Variants in ERC2 observed in about 807,000 individuals in gnomAD.
ERC2 encodes the protein ELKS/RAB6-interacting/CAST family member 2.
ERC2 carries 42 observed loss-of-function variants against 114.8 expected under a neutral mutation model. The observed-to-expected ratio is 0.37, with a 90% CI of 0.29 to 0.47. The LOEUF is 0.47. Among genes scored for constraint, ERC2 ranks in the 20% least tolerant of loss-of-function variants. The probability of loss-of-function intolerance (pLI) is 0.99; values close to 1 mark genes in which losing one functional copy is unlikely to be tolerated. For missense variants in ERC2, 939 were observed against 1,150.7 expected (o/e 0.82, Z 2.66); for synonymous variants, 454 against 425.5 (o/e 1.07, Z -0.82).
intron 6 of ERC2, among the ~76,000 whole-genome samples, chr3:56,108,549 T>C (rs1389011071): frequency 2.0e-5 from 3 of 152,078 alleles, no homozygotes; most frequent in Non-Finnish European, 4.4e-5. Context: ...TTACAAAAGA[T>C]AAATCACTTA....
intron 2 of ERC2, among the ~76,000 whole-genome samples, chr3:56,323,480 A>G (rs1377661448): frequency 1.3e-5 from 2 of 152,166 alleles, no homozygotes. Context: ...AGGCCCTGTC[A>G]AATCACCAGA....
intron 14 of ERC2, among the ~76,000 whole-genome samples, chr3:55,794,478 T>C (rs73831512): frequency 7.2e-4 from 110 of 152,342 alleles, no homozygotes; most frequent in African/African-American, 2.6e-3. Context: ...TGTGCACACA[T>C]GTGAAGACTT....
chr3:56,113,445 A>C (rs542220380), intron 6 of ERC2, among the ~76,000 whole-genome samples: 1 of 152,336 alleles, frequency 6.6e-6, no homozygotes, highest in Admixed American at 6.5e-5. Flanking sequence ...ACCTTCATAT[A>C]GCAGCCCTCT....
intron 2 of ERC2, among the ~76,000 whole-genome samples, chr3:56,319,406 T>C (rs2057022837): frequency 6.6e-6 from 1 of 151,940 alleles, no homozygotes. Flanking sequence ...AGAACAAACA[T>C]TACGTGATTC....
At position 55,759,575 on chromosome 3, in the gene ERC2, C is replaced by A. The variant is rs9865916; in HGVS notation, c.2565-24657G>T. On this transcript the variant is annotated intron_variant, in intron 14 of 17. Coordinates refer to ENST00000288221, the MANE Select transcript of ERC2 (RefSeq NM_015576.3). ...TCAAGGACGAAAGACTAAACAACAA[C>A]AAAAAAATGTAACATTAAAATTCAC... Among the ~76,000 whole-genome samples the A allele has an allele frequency of 4.2e-3, 557 of 131,552 alleles. 5 individuals are homozygous for A. Among genetic ancestry groups the A allele is most frequent in the African/African-American group, 0.015 (534 of 35,738 alleles). The allele number at this position is 131,552 out of a possible 152,430, so 86.3% of individuals were successfully genotyped here.
At chr3:56,280,376 T>C (rs1416988243) in intron 3 of ERC2, among the ~76,000 whole-genome samples, 5 of 152,198 alleles carry the variant, frequency 3.3e-5, no homozygotes, top group Admixed American at 3.3e-4. Context: ...TTTGTGGTAA[T>C]TTGTTACCGC....
chr3:56,088,991 G>A (rs1382412992), intron 6 of ERC2, among the ~76,000 whole-genome samples: 4 of 152,142 alleles, frequency 2.6e-5, no homozygotes, highest in Non-Finnish European at 4.4e-5. Context: ...TGGAGAACCA[G>A]CAAATAAGGT....
At chr3:55,674,397 A>T (rs1239506004) in intron 17 of ERC2, among the ~76,000 whole-genome samples, 2 of 152,226 alleles carry the variant, frequency 1.3e-5, no homozygotes, top group African/African-American at 4.8e-5. Context: ...ATGGCAAGAT[A>T]TATACTGAAA....
At position 55,661,318 on chromosome 3, in the gene ERC2, C is replaced by G. The variant is rs1224150374; in HGVS notation, c.*39+22476G>C. Among the ~76,000 whole-genome samples the G allele has an allele frequency of 2.0e-5, 3 of 152,182 alleles. No individual in the cohort carries two copies. In the East Asian group the frequency reaches 5.8e-4, roughly 29 times the overall value. On this transcript the variant is annotated intron_variant, in intron 17 of 17. Transcript: ENST00000288221. ...CTTTCCAGCTCATTCAGGTCACTGG[C>G]AGAATTCAGCTCCGTCTGGTTGTGG...
At chr3:56,367,839 A>T (rs1170274340) in intron 2 of ERC2, among the ~76,000 whole-genome samples, 2 of 151,764 alleles carry the variant, frequency 1.3e-5, no homozygotes, top group Non-Finnish European at 2.9e-5. Context: ...TCAAGAGCTG[A>T]GATGGGAGGA....
intron 17 of ERC2, among the ~76,000 whole-genome samples, chr3:55,518,244 T>A (rs1201763249): frequency 6.6e-6 from 1 of 152,242 alleles, no homozygotes. Context: ...AGCAGTGATA[T>A]GTTGGTAGAT....
chr3:56,194,677 T>G (rs1291510902), intron 3 of ERC2, among the ~76,000 whole-genome samples: 1 of 152,174 alleles, frequency 6.6e-6, no homozygotes, highest in Non-Finnish European at 1.5e-5. Context: ...ATAAAGTAAT[T>G]GTGCTACAGC....
chr3:55,611,536 C>T (rs2058908520), intron 17 of ERC2, among the ~76,000 whole-genome samples: 1 of 152,302 alleles, frequency 6.6e-6, no homozygotes, highest in Admixed American at 6.5e-5. Context: ...TCTTTCTCTA[C>T]AAGATCTAAT....
At chr3:55,563,639 G>A (rs956364377) in intron 17 of ERC2, among the ~76,000 whole-genome samples, 1 of 152,210 alleles carries the variant, frequency 6.6e-6, no homozygotes, top group Admixed American at 6.5e-5. Context: ...AAAGGGCCAC[G>A]GAACGTGGAG....
At chr3:55,681,383 T>C (rs1307656754) in intron 17 of ERC2, among the ~76,000 whole-genome samples, 2 of 152,254 alleles carry the variant, frequency 1.3e-5, no homozygotes, top group African/African-American at 4.8e-5. Context: ...CATCTTGTGA[T>C]GTTTCTTTTA....
intron 17 of ERC2, among the ~76,000 whole-genome samples, chr3:55,654,910 G>T (rs888815939): frequency 3.3e-5 from 5 of 152,188 alleles, no homozygotes; most frequent in Non-Finnish European, 5.9e-5. Flanking sequence ...TCCATGGCCT[G>T]CTAGGCTCGA....
intron 13 of ERC2, among the ~76,000 whole-genome samples, chr3:55,932,726 T>TA (rs2066176910): frequency 6.6e-6 from 1 of 152,166 alleles, no homozygotes; most frequent in African/African-American, 2.4e-5. Context: ...AGAACTATAG[T>TA]AAAATCTTCC....
chr3:56,395,184 A>G (rs2060262379), intron 2 of ERC2, among the ~76,000 whole-genome samples: 1 of 152,154 alleles, frequency 6.6e-6, no homozygotes, highest in African/African-American at 2.4e-5. Flanking sequence ...TTAGGTGATA[A>G]TATGTCTCAA....
intron 16 of ERC2, among the ~76,000 whole-genome samples, chr3:55,697,182 G>A (rs2148818295): frequency 6.6e-6 from 1 of 152,310 alleles, no homozygotes; most frequent in South Asian, 2.1e-4. Context: ...GTGCCACATA[G>A]TGGCTGCCAT....
Sources: gnomAD v4.1 joint callset for allele counts (sites outside exome capture counted in the v4.1 genomes callset) on GRCh38, gnomAD v4.1.1 for gene constraint, MANE v1.5 for transcripts, NCBI Gene and HGNC (gene_info 2026-07-23, HGNC 2026-07-21) for gene names.